DCBLD1: variants seen among roughly 807,000 people sequenced by gnomAD.
The protein encoded by DCBLD1 is discoidin, CUB and LCCL domain-containing protein 1.
A neutral mutation model predicts 71.5 loss-of-function variants in DCBLD1; 57 were observed. The ratio of observed to expected loss-of-function variants is 0.80; its 90% CI spans 0.64 to 0.99. The LOEUF is 0.99. Ranked by LOEUF, DCBLD1 falls within the 50% of genes least tolerant of loss-of-function variation. DCBLD1 has a pLI of 0.00. For missense variants in DCBLD1, 891 were observed against 923.5 expected, an observed-to-expected ratio of 0.96 and a Z score of 0.46; for synonymous variants, 380 against 363.8, an observed-to-expected ratio of 1.04 and a Z score of -0.51.
chr6:117,525,445 G>A lies in DCBLD1; in HGVS notation c.585+11G>A. On this transcript the variant is annotated intron_variant, in intron 5 of 14. Coordinates refer to ENST00000338728, the MANE Select transcript of DCBLD1 (RefSeq NM_001366458.2). ...GATGGATATAGAGATGTAAGTAATT[G>A]AGGGTAATGGCAGAGAATGAATTAA... The A allele has an allele frequency of 6.8e-7, 1 of 1,465,674 alleles. No homozygotes were observed. 90.8% of individuals were successfully genotyped at this position (1,465,674 alleles called of 1,614,324 possible).
At chr6:117,554,021 C>G (rs931386305), downstream of DCBLD1, among the ~76,000 whole-genome samples, 5 of 152,036 alleles carry the variant, frequency 3.3e-5, no homozygotes, top group African/African-American at 7.2e-5. Flanking sequence ...TACATAAAAC[C>G]CTTACAACAG....
intron 1 of DCBLD1, among the ~76,000 whole-genome samples, chr6:117,492,560 TG>T (rs966293674): frequency 1.3e-5 from 2 of 152,188 alleles, no homozygotes; most frequent in Admixed American, 6.5e-5. Context: ...TCATAGTCTT[TG>T]GTTTATATTT....
intron 14 of DCBLD1, among the ~76,000 whole-genome samples, chr6:117,569,271 A>C (rs1265788689): frequency 3.9e-5 from 6 of 152,184 alleles, no homozygotes; most frequent in African/African-American, 1.4e-4. Context: ...TGTTCTGAGT[A>C]CTTTATATGT....
At chr6:117,549,847 A>G, downstream of DCBLD1, 1 of 985,414 alleles carries the variant, frequency 1.0e-6, no homozygotes, top group Non-Finnish European at 1.2e-6. Flanking sequence ...TGTTAGAGGC[A>G]CTCAAGGTTC....
At chr6:117,520,248 T>C (rs1364874328) in intron 3 of DCBLD1, among the ~76,000 whole-genome samples, 1 of 152,194 alleles carries the variant, frequency 6.6e-6, no homozygotes, top group Non-Finnish European at 1.5e-5. Context: ...AAAATTTTTA[T>C]AATTATGTTT....
At chr6:117,554,115 G>C (rs1779465843), downstream of DCBLD1, among the ~76,000 whole-genome samples, 2 of 152,160 alleles carry the variant, frequency 1.3e-5, no homozygotes, top group African/African-American at 4.8e-5. Flanking sequence ...TTTGTATGCT[G>C]CTCCTTTACT....
chr6:117,564,897 C>A (rs1779663278), intron 14 of DCBLD1, among the ~76,000 whole-genome samples: 1 of 152,168 alleles, frequency 6.6e-6, no homozygotes, highest in South Asian at 2.1e-4. Flanking sequence ...GTTTACAACA[C>A]ACAAGTTTAT....
intron 13 of DCBLD1, among the ~76,000 whole-genome samples, chr6:117,544,840 A>G (rs890443118): frequency 6.6e-6 from 1 of 150,836 alleles, no homozygotes; most frequent in Non-Finnish European, 1.5e-5. Context: ...TTAGGCCACG[A>G]CACTGTCTGC....
At position 117,548,085 on chromosome 6, in the gene DCBLD1, C is replaced by T; in HGVS notation, c.1794C>T (p.Pro598=). 6.5e-7 allele frequency: 1 copy of T among 1,549,186 alleles called. No individual in the cohort carries two copies. Among genetic ancestry groups the T allele is most frequent in the South Asian group, 1.2e-5 (1 of 83,972 alleles). ...EYALPLAPPE[P]EYATPIVERH... is the part of the protein sequence containing the mutation. ...CGCTGCCCCTGGCGCCCCCGGAGCC[C>T]GAGTACGCCACGCCCATCGTGGAGC... is the stretch of plus-strand genomic sequence containing the variant. The change falls in exon 15 of 15, where the codon CCC becomes CCT. Residue 598 remains proline, a synonymous_variant. Transcript: ENST00000338728.
intron 2 of DCBLD1, among the ~76,000 whole-genome samples, chr6:117,518,235 G>A (rs1000340534): frequency 5.3e-5 from 8 of 152,184 alleles, no homozygotes; most frequent in Non-Finnish European, 1.0e-4. Flanking sequence ...CAGTCTCTTT[G>A]CTCAAACATA....
chr6:117,549,830 G>T, downstream of DCBLD1: 1 of 985,360 alleles, frequency 1.0e-6, no homozygotes, highest in South Asian at 4.7e-5. Flanking sequence ...AGCCCTGCTC[G>T]CTGGGGTGTT....
chr6:117,542,926 AT>A (rs1779147695), intron 11 of DCBLD1, among the ~76,000 whole-genome samples, 197 bp from the exon 12 acceptor site: 1 of 152,000 alleles, frequency 6.6e-6, no homozygotes, highest in African/African-American at 2.4e-5. Context: ...TGGGGGAGAA[AT>A]TTTACTTTCC....
At chr6:117,547,816 A>C (rs1583036100) in intron 14 of DCBLD1, 91 bp from the exon 15 acceptor site, 2 of 1,545,450 alleles carry the variant, frequency 1.3e-6, no homozygotes, top group South Asian at 2.4e-5. Flanking sequence ...AAAGTCAGTC[A>C]CCACGACCTG....
chr6:117,519,061 C>T (rs764635648), intron 2 of DCBLD1, among the ~76,000 whole-genome samples: 1 of 152,094 alleles, frequency 6.6e-6, no homozygotes, highest in Non-Finnish European at 1.5e-5. Context: ...GATTGTCTTG[C>T]GTATGTTACT....
chr6:117,563,890 TC>T (rs1370031052), intron 14 of DCBLD1, among the ~76,000 whole-genome samples: 1 of 152,034 alleles, frequency 6.6e-6, no homozygotes, highest in Admixed American at 6.6e-5. Context: ...ATGGCAGGTA[TC>T]AAATATTGTA....
intron 6 of DCBLD1, among the ~76,000 whole-genome samples, chr6:117,532,875 G>A (rs901080029): frequency 6.6e-6 from 1 of 152,088 alleles, no homozygotes; most frequent in African/African-American, 2.4e-5. Flanking sequence ...CTTTGTTAAC[G>A]TTATATTCTT....
chr6:117,549,729 A>G lies in DCBLD1; in HGVS notation c.*1290A>G, dbSNP rs8088. 0.57 allele frequency: 562,442 copies of G among 985,098 alleles called. 161,107 individuals are homozygous for G. The highest frequency in any genetic ancestry group is 0.73 in the South Asian group (15,576 of 21,282). 61.0% of individuals were successfully genotyped at this position (985,098 alleles called of 1,614,324 possible). A position where few individuals can be genotyped will look rare whatever the true frequency, so the allele number is the denominator to read the frequency against. ...AGCTGCTGGTTAGTGTGGAGGGGAAATGGTTTACTTTGTAGAGTTTACATG... is the reference window on the plus strand; with the variant it reads ...AGCTGCTGGTTAGTGTGGAGGGGAAGTGGTTTACTTTGTAGAGTTTACATG... On this transcript the variant is annotated 3_prime_UTR_variant, in exon 15 of 15. Coordinates refer to ENST00000338728, the MANE Select transcript of DCBLD1 (RefSeq NM_001366458.2).
At chr6:117,499,462 T>C (rs1240823014) in intron 1 of DCBLD1, among the ~76,000 whole-genome samples, 1 of 150,538 alleles carries the variant, frequency 6.6e-6, no homozygotes, top group African/African-American at 2.4e-5. Context: ...ATGCAAAGAG[T>C]ATAAAAAAGT....
At chr6:117,554,728 A>G (rs1158156971), downstream of DCBLD1, among the ~76,000 whole-genome samples, 9 of 152,060 alleles carry the variant, frequency 5.9e-5, no homozygotes, top group Admixed American at 5.2e-4. Context: ...CCCTGTCTCT[A>G]CTAAAAATAT....
Sources: allele counts gnomAD v4.1 joint callset (sites outside exome capture counted in the v4.1 genomes callset), GRCh38; gene constraint gnomAD v4.1.1; transcripts MANE v1.5; gene names NCBI Gene and HGNC (gene_info 2026-07-23, HGNC 2026-07-21).